PLPP4: variants seen among roughly 807,000 people sequenced by gnomAD.
PLPP4 encodes the protein phospholipid phosphatase 4, also known as diacylglycerol pyrophosphate like 2.
Under a neutral mutation model 32.2 loss-of-function variants are expected in PLPP4, and 20 were observed. The ratio of observed to expected loss-of-function variants is 0.62; its 90% confidence interval spans 0.44 to 0.90. The LOEUF is 0.90. Among genes scored for constraint, PLPP4 ranks in the 40% least tolerant of loss-of-function variants. The pLI is 0.00. For synonymous variants in PLPP4, 127 were observed against 133.0 expected (o/e 0.95, Z 0.31); for missense variants, 257 against 353.1 (o/e 0.73, Z 2.18).
chr10:120,465,681 A>G (rs1451255967), intron 1 of PLPP4, among the ~76,000 whole-genome samples: 1 of 152,232 alleles, frequency 6.6e-6, no homozygotes. Flanking sequence ...AATTTCATTC[A>G]GTTCAACCTA....
intron 1 of PLPP4, among the ~76,000 whole-genome samples, chr10:120,495,601 G>GT (rs1036941297): frequency 1.6e-4 from 24 of 152,098 alleles, no homozygotes; most frequent in Non-Finnish European, 2.5e-4. Flanking sequence ...CCTGGAAAAT[G>GT]TTTTTTGTTT....
At chr10:120,540,770 A>G (rs1589846421) in intron 5 of PLPP4, among the ~76,000 whole-genome samples, 1 of 152,224 alleles carries the variant, frequency 6.6e-6, no homozygotes, top group Non-Finnish European at 1.5e-5. Flanking sequence ...ATGCATAATA[A>G]TGGTGTCTCT....
At chr10:120,507,179 G>A (rs1207443318) in intron 2 of PLPP4, among the ~76,000 whole-genome samples, 3 of 152,164 alleles carry the variant, frequency 2.0e-5, no homozygotes, top group Admixed American at 1.3e-4. Context: ...CCTGCTGTGG[G>A]TAAAGAAAAC....
rs1353676583 is a variant in PLPP4 at position 120,467,570 on chromosome 10, C to T, written c.56+10209C>T. 6.2e-5 allele frequency among the ~76,000 whole-genome samples: 4 copies of T among 64,398 alleles called. 2 individuals are homozygous for T. Among genetic ancestry groups the T allele is most frequent in the Non-Finnish European group, 1.8e-4 (4 of 22,160 alleles). The allele number at this position is 64,398 out of a possible 152,430, so 42.2% of individuals were successfully genotyped here. On this transcript the variant is annotated intron_variant, in intron 1 of 6. Coordinates refer to ENST00000398250, the MANE Select transcript of PLPP4 (RefSeq NM_001030059.3). ...AATTATGACACCTCTCAGGAGGTAG[C>T]GTTGTCCTCATTTACAGAGTTAAGG...
At chr10:120,464,126 C>T (rs1373568047) in intron 1 of PLPP4, among the ~76,000 whole-genome samples, 1 of 152,192 alleles carries the variant, frequency 6.6e-6, no homozygotes, top group Non-Finnish European at 1.5e-5. Flanking sequence ...TGCAACTTAC[C>T]TGCTGTGTGA....
rs560256139 is a variant in PLPP4 at position 120,491,080 on chromosome 10, ATTTAT to A, written c.57-12735_57-12731del. ...TCCCAGACTGCTTTCCCATTGGGAA[ATTTAT>A]TTGGCCAAGACAGGAGCCGAGTTCT... On this transcript the variant is annotated intron_variant, in intron 1 of 6. Transcript: ENST00000398250. Among the ~76,000 whole-genome samples the A allele has an allele frequency of 2.8e-3, 424 of 152,154 alleles. 2 individuals carry two copies. The highest frequency in any genetic ancestry group is 9.7e-3 in the African/African-American group (404 of 41,520).
At chr10:120,477,873 C>T (rs1235597392) in intron 1 of PLPP4, among the ~76,000 whole-genome samples, 1 of 152,202 alleles carries the variant, frequency 6.6e-6, no homozygotes, top group African/African-American at 2.4e-5. Context: ...ATGGGAATCT[C>T]CTGGGCCTGA....
chr10:120,514,807 T>C (rs1845874753), intron 3 of PLPP4, among the ~76,000 whole-genome samples: 1 of 152,224 alleles, frequency 6.6e-6, no homozygotes, highest in Admixed American at 6.5e-5. Flanking sequence ...TTTTCTTTTT[T>C]TGACACGTCA....
At chr10:120,520,222 A>G (rs1027354595) in intron 4 of PLPP4, among the ~76,000 whole-genome samples, 2 of 152,226 alleles carry the variant, frequency 1.3e-5, no homozygotes, top group Admixed American at 6.5e-5. Context: ...TCTCTTTCCC[A>G]TGTCCTAGAC....
At chr10:120,500,968 T>TC (rs1409460441) in intron 1 of PLPP4, among the ~76,000 whole-genome samples, 1 of 151,926 alleles carries the variant, frequency 6.6e-6, no homozygotes, top group East Asian at 1.9e-4. Flanking sequence ...TATCACTGAT[T>TC]CCCCCCACCC....
intron 5 of PLPP4, among the ~76,000 whole-genome samples, chr10:120,572,090 T>C (rs1848969231): frequency 1.3e-5 from 2 of 152,186 alleles, no homozygotes; most frequent in Admixed American, 1.3e-4. Flanking sequence ...CCTATAAAGA[T>C]GACTTGGAAT....
chr10:120,513,361 T>C (rs1845805385), intron 2 of PLPP4, among the ~76,000 whole-genome samples: 2 of 152,158 alleles, frequency 1.3e-5, no homozygotes, highest in South Asian at 4.1e-4. Flanking sequence ...CCAGTTTAAC[T>C]CATTAAGTCT....
At chr10:120,494,065 A>G (rs1303028334) in intron 1 of PLPP4, among the ~76,000 whole-genome samples, 4 of 152,208 alleles carry the variant, frequency 2.6e-5, no homozygotes, top group Non-Finnish European at 5.9e-5. Flanking sequence ...TCAATAAGAA[A>G]TGTTGTTTGG....
chr10:120,475,259 C>CT (rs145855340), intron 1 of PLPP4, among the ~76,000 whole-genome samples: 56 of 146,952 alleles, frequency 3.8e-4, no homozygotes, highest in African/African-American at 1.3e-3. Flanking sequence ...GAAGATTTTT[C>CT]TTTTTTTCCC....
chr10:120,525,134 T>C (rs970003409), intron 5 of PLPP4, among the ~76,000 whole-genome samples: 2 of 152,220 alleles, frequency 1.3e-5, no homozygotes, highest in African/African-American at 4.8e-5. Context: ...CATTTCCATG[T>C]TGTCTATGGC....
rs924955460 is a variant in PLPP4, at chr10:120,563,756, C to T, written c.446-11375C>T. Among the ~76,000 whole-genome samples, 43 of 101,892 alleles carry T rather than the reference C, an allele frequency of 4.2e-4. 1 individual carries two copies. The highest frequency in any genetic ancestry group is 1.1e-3 in the African/African-American group (31 of 28,304). The allele number at this position is 101,892 out of a possible 152,430, so 66.8% of individuals were successfully genotyped here. A position where few individuals can be genotyped will look rare whatever the true frequency, so the allele number is the denominator to read the frequency against. On this transcript the variant is annotated intron_variant, in intron 5 of 6. Coordinates refer to ENST00000398250, the MANE Select transcript of PLPP4 (RefSeq NM_001030059.3). ...CGGAGCTTGCAGTGAGCCGAGATTG[C>T]GCCACTGCAGTCCGCAGTCCGGCCT...
intron 1 of PLPP4, among the ~76,000 whole-genome samples, chr10:120,479,212 C>T (rs975328499): frequency 7.2e-5 from 11 of 151,886 alleles, no homozygotes; most frequent in Admixed American, 6.6e-4. Context: ...GGCCACAGAG[C>T]GAGACTCCAT....
intron 2 of PLPP4, among the ~76,000 whole-genome samples, chr10:120,504,467 G>A (rs1845404799): frequency 6.6e-6 from 1 of 152,208 alleles, no homozygotes; most frequent in African/African-American, 2.4e-5. Flanking sequence ...AATAAGGAAG[G>A]GGCATAAGCT....
chr10:120,583,528 T>C (rs1160182600), intron 6 of PLPP4, among the ~76,000 whole-genome samples: 1 of 152,176 alleles, frequency 6.6e-6, no homozygotes, highest in Non-Finnish European at 1.5e-5. Context: ...TGTGCAACCA[T>C]TACCACTATC....
Sources: allele counts gnomAD v4.1 joint callset (sites outside exome capture counted in the v4.1 genomes callset), GRCh38; gene constraint gnomAD v4.1.1; transcripts MANE v1.5; gene names NCBI Gene and HGNC (gene_info 2026-07-23, HGNC 2026-07-21).